DCHS2: variants seen among roughly 807,000 people sequenced by gnomAD.
The protein encoded by DCHS2 is protocadherin-23.
In DCHS2, 142 loss-of-function variants were observed where a neutral mutation model predicts 182.4. The observed-to-expected ratio is 0.78, with a 90% CI of 0.68 to 0.89. The LOEUF is 0.89. DCHS2 is among the 40% of genes least tolerant of loss of function. The probability of loss-of-function intolerance (pLI) is 0.00; values close to 1 mark genes in which losing one functional copy is unlikely to be tolerated. For missense variants in DCHS2, 4,319 were observed against 4,198.6 expected, an observed-to-expected ratio of 1.03 and a Z score of -0.79; for synonymous variants, 1,740 against 1,663.3, an observed-to-expected ratio of 1.05 and a Z score of -1.12.
At chr4:154,246,308 G>A (rs1223229588) in intron 16 of DCHS2, among the ~76,000 whole-genome samples, 1 of 152,146 alleles carries the variant, frequency 6.6e-6, no homozygotes, top group Non-Finnish European at 1.5e-5. Flanking sequence ...CATACTTGGG[G>A]TTAGTAATAT....
rs969474547 is a variant in DCHS2 at position 154,255,186 on chromosome 4, A to C, written c.6941+333T>G. ...AAAAACAATAACAACAAACACCTGC[A>C]GAGGGCTCTCTAGTTCATTAGACAT... On this transcript the variant is annotated intron_variant, in intron 16 of 19. Transcript: ENST00000357232. 2.6e-5 allele frequency among the ~76,000 whole-genome samples: 4 copies of C among 152,360 alleles called. No homozygotes were observed. In the South Asian group the frequency reaches 8.3e-4, roughly 32 times the overall value.
chr4:154,454,392 C>T (rs779384735), intron 1 of DCHS2, among the ~76,000 whole-genome samples: 1 of 152,038 alleles, frequency 6.6e-6, no homozygotes, highest in Admixed American at 6.6e-5. Context: ...CACAGGTGTA[C>T]GCCATCATGC....
chr4:154,463,692 T>TTCTCTCTC (rs5863102), intron 1 of DCHS2, among the ~76,000 whole-genome samples: 47 of 145,374 alleles, frequency 3.2e-4, no homozygotes, highest in African/African-American at 1.1e-3. Flanking sequence ...ATTCTCTCTT[T>TTCTCTCTC]TCTCTCTCTC....
intron 3 of DCHS2, among the ~76,000 whole-genome samples, chr4:154,340,196 A>G (rs1728999267): frequency 6.6e-6 from 1 of 152,204 alleles, no homozygotes; most frequent in Non-Finnish European, 1.5e-5. Flanking sequence ...CCTTAAAAAT[A>G]GGATTCTAAT....
At chr4:154,328,739 TG>T (rs1254013154) in intron 6 of DCHS2, among the ~76,000 whole-genome samples, 2 of 152,208 alleles carry the variant, frequency 1.3e-5, no homozygotes, top group Non-Finnish European at 2.9e-5. Flanking sequence ...AAAAGTGTAA[TG>T]ATGATATAAT....
At chr4:154,440,574 A>G (rs991331568) in intron 1 of DCHS2, among the ~76,000 whole-genome samples, 2 of 152,214 alleles carry the variant, frequency 1.3e-5, no homozygotes, top group East Asian at 1.9e-4. Flanking sequence ...GCCAAAAACC[A>G]TTGTCATAAT....
chr4:154,374,000 A>G, intron 2 of DCHS2: 2 of 931,144 alleles, frequency 2.1e-6, no homozygotes, highest in Non-Finnish European at 2.8e-6. Flanking sequence ...ATATTTTAAT[A>G]GCAAAAAAAA....
intron 2 of DCHS2, among the ~76,000 whole-genome samples, chr4:154,368,485 T>A (rs1730495259): frequency 1.3e-5 from 2 of 151,640 alleles, no homozygotes; most frequent in East Asian, 3.9e-4. Context: ...AATAAGCAAA[T>A]GTTAGATGCA....
At chr4:154,270,095 T>A (rs1188917915) in intron 13 of DCHS2, 82 bp from the exon 14 acceptor site, 1 of 1,465,968 alleles carries the variant, frequency 6.8e-7, no homozygotes, top group Non-Finnish European at 9.1e-7. Context: ...GATTATTTAT[T>A]ATTTGCCTAC....
At chr4:154,316,317 A>G (rs1735854317) in intron 9 of DCHS2, among the ~76,000 whole-genome samples, 1 of 152,208 alleles carries the variant, frequency 6.6e-6, no homozygotes, top group South Asian at 2.1e-4. Flanking sequence ...GATACTAACA[A>G]TATATATCAT....
chr4:154,269,966 C>A lies in DCHS2; in HGVS notation c.6511G>T (p.Asp2171Tyr). 1 of 1,612,242 alleles carries A rather than the reference C, an allele frequency of 6.2e-7. No homozygotes were observed. The highest frequency in any genetic ancestry group is 8.5e-7 in the Non-Finnish European group (1 of 1,179,118). The part of the protein sequence containing the change: ...VKAFAPDSIQ[D>Y]SMKYSIFSGN... ...CTAAAAATTGAATATTTCATGCTGT[C>A]CTGAATTGAGTCAGGAGCAAAAGCT... The change falls in exon 14 of 20, where the codon GAC (aspartate) becomes TAC (tyrosine). Residue 2171 changes from aspartate to tyrosine, a missense_variant. By Grantham distance (160) the Asp-to-Tyr change is radical (BLOSUM62 -3). Transcript: ENST00000357232.
intron 13 of DCHS2, among the ~76,000 whole-genome samples, chr4:154,292,065 T>C (rs1252929237): frequency 6.6e-6 from 1 of 152,170 alleles, no homozygotes; most frequent in African/African-American, 2.4e-5. Flanking sequence ...ACATAACCCA[T>C]AAATATATAT....
At position 154,236,339 on chromosome 4, in the gene DCHS2, G is replaced by A; in HGVS notation, c.8313C>T (p.Phe2771=). 1.2e-6 allele frequency: 2 copies of A among 1,614,058 alleles called. No homozygotes were observed. The highest frequency in any genetic ancestry group is 1.7e-4 in the Middle Eastern group (1 of 6,058). The change falls in exon 20 of 20, where the codon TTC becomes TTT. Residue 2771 remains phenylalanine, a synonymous_variant. Transcript: ENST00000357232. Reference sequence around the variant, plus strand: ...CTGGAACAATACAGCTGAAGCTTGAGAACATAAACTGAGGTGCATGGTCGT... The same window carrying A: ...CTGGAACAATACAGCTGAAGCTTGAAAACATAAACTGAGGTGCATGGTCGT... The part of the protein sequence containing the change: ...DDNDHAPQFM[F]SSFSCIVPEN...
Position 154,366,302 on chromosome 4 carries a change from G to A in DCHS2, c.2384C>T (p.Ala795Val), listed in dbSNP as rs540836598. Residue 795 changes from alanine to valine, a missense_variant, in exon 3 of 20, where the codon GCC becomes GTC. Ala to Val is a moderately conservative substitution (Grantham distance 64, BLOSUM62 0). Coordinates refer to ENST00000357232, the MANE Select transcript of DCHS2 (RefSeq NM_001358235.2). ...QPGTEIINVL[A>V]TDQDSGIYGT... Reference sequence around the variant, plus strand: ...ATATATCCCAGAGTCCTGGTCAGTGGCAAGAACATTGATGATCTCGGTGCC... The same window carrying A: ...ATATATCCCAGAGTCCTGGTCAGTGACAAGAACATTGATGATCTCGGTGCC... The A allele has an allele frequency of 8.7e-6, 14 of 1,613,770 alleles. No individual in the cohort carries two copies. In the South Asian group the frequency reaches 1.5e-4, roughly 18 times the overall value.
chr4:154,361,619 T>C (rs1356129166), intron 3 of DCHS2, among the ~76,000 whole-genome samples: 1 of 151,912 alleles, frequency 6.6e-6, no homozygotes, highest in Non-Finnish European at 1.5e-5. Flanking sequence ...AAGGCTCAAC[T>C]CAGTATCTCT....
rs151000146 is a variant in DCHS2 at position 154,304,801 on chromosome 4, G to A, written c.5473C>T (p.His1825Tyr). ...CTGGAAACAATAAACTCTGGTGCGT[G>A]ATCGTTTTCATCTTCAACAGTGCAG... ...ILCTVEDENDHAPEFIVSSYD... is the reference protein window; with the variant it reads ...ILCTVEDENDYAPEFIVSSYD... Residue 1825 changes from histidine (H) to tyrosine (Y), a missense_variant, in exon 12 of 20, where the codon CAC (histidine) becomes TAC (tyrosine). Transcript: ENST00000357232. 18 of 1,613,738 alleles carry A rather than the reference G, an allele frequency of 1.1e-5. No individual in the cohort carries two copies. The highest frequency in any genetic ancestry group is 1.4e-5 in the Non-Finnish European group (17 of 1,179,928).
chr4:154,345,425 A>G (rs1578990758), intron 3 of DCHS2, among the ~76,000 whole-genome samples: 1 of 152,364 alleles, frequency 6.6e-6, no homozygotes, highest in South Asian at 2.1e-4. Context: ...CCTGGCTTGT[A>G]CTAGTTAGAT....
At chr4:154,460,070 T>C (rs1734950420) in intron 1 of DCHS2, among the ~76,000 whole-genome samples, 1 of 152,152 alleles carries the variant, frequency 6.6e-6, no homozygotes, top group South Asian at 2.1e-4. Context: ...ATTTCTACTG[T>C]TACAAATGAA....
At chr4:154,277,890 A>T (rs188346239) in intron 13 of DCHS2, among the ~76,000 whole-genome samples, 1 of 152,144 alleles carries the variant, frequency 6.6e-6, no homozygotes, top group Non-Finnish European at 1.5e-5. Context: ...AAAATAAAAA[A>T]ATTAGCTGGG....
Sources: gnomAD v4.1 joint callset for allele counts (sites outside exome capture counted in the v4.1 genomes callset) on GRCh38, gnomAD v4.1.1 for gene constraint, MANE v1.5 for transcripts, NCBI Gene and HGNC (gene_info 2026-07-23, HGNC 2026-07-21) for gene names.